ACTR3C: variants seen among roughly 807,000 people sequenced by gnomAD.
ACTR3C encodes actin related protein 3C, also known as actin-related protein 3C.
ACTR3C carries 18 observed loss-of-function variants against 26.3 expected under a neutral mutation model. That is an observed-to-expected ratio of 0.68 (90% CI 0.47 to 1.01). The LOEUF (loss-of-function observed/expected upper bound fraction) is 1.01, where lower values mean the gene tolerates loss of function less well. Ranked by LOEUF, ACTR3C falls within the 50% of genes least tolerant of loss-of-function variation. ACTR3C has a pLI of 0.00. For missense variants in ACTR3C, 184 were observed against 250.7 expected (o/e 0.73, Z 1.80); for synonymous variants, 55 against 94.5 (o/e 0.58, Z 2.42).
chr7:150,198,793 G>A, the ACTR3C span, among the ~76,000 whole-genome samples: 741 of 138,478 alleles, frequency 5.4e-3, 17 homozygotes, highest in African/African-American at 0.022. Context: ...CGTGCCGTCC[G>A]GGAGGGAGGT....
rs956547970 is a variant in ACTR3C at position 150,274,865 on chromosome 7, A to G, written c.564+9888T>C. On this transcript the variant is annotated intron_variant, in intron 6 of 7. Coordinates refer to ENST00000683684, the MANE Select transcript of ACTR3C (RefSeq NM_001164458.2). The surrounding 1 kb of genome is among the most constrained non-coding windows in gnomAD (Gnocchi z 4.1). ...ACAAAGTGATCCCTTATCACTTTTG[A>G]TACAGTGTGAGAAATCAGCAGATCT... 4.6e-5 allele frequency among the ~76,000 whole-genome samples: 7 copies of G among 152,246 alleles called. No individual in the cohort carries two copies. Among genetic ancestry groups the G allele is most frequent in the African/African-American group, 1.7e-4 (7 of 41,474 alleles).
the ACTR3C span, among the ~76,000 whole-genome samples, chr7:149,958,075 G>A: frequency 6.6e-6 from 1 of 152,072 alleles, no homozygotes; most frequent in African/African-American, 2.4e-5. Context: ...TCTTTGTGTT[G>A]AACTAGGTTC....
the ACTR3C span, among the ~76,000 whole-genome samples, chr7:150,176,745 A>G: frequency 6.6e-6 from 1 of 150,726 alleles, no homozygotes; most frequent in Non-Finnish European, 1.5e-5. Context: ...CTCTTAGGAG[A>G]CTTAAAGCCA....
the ACTR3C span, among the ~76,000 whole-genome samples, chr7:150,011,377 G>C: frequency 6.6e-6 from 1 of 152,034 alleles, no homozygotes; most frequent in Non-Finnish European, 1.5e-5. Context: ...ACGAGGTCAG[G>C]AGTTCAAGAC....
At chr7:150,202,260 G>A in the ACTR3C span, among the ~76,000 whole-genome samples, 5 of 152,130 alleles carry the variant, frequency 3.3e-5, no homozygotes, top group South Asian at 2.1e-4. Context: ...AGAACAAGAC[G>A]TTTCATTGAT....
the ACTR3C span, among the ~76,000 whole-genome samples, chr7:150,025,786 T>C: frequency 6.6e-6 from 1 of 152,036 alleles, no homozygotes; most frequent in African/African-American, 2.4e-5. Context: ...CTTTTCCGTA[T>C]GTTTGGAAAT....
chr7:150,309,319 C>A lies in ACTR3C; in HGVS notation c.-51-13972G>T, dbSNP rs550098718. Among the ~76,000 whole-genome samples, 6 of 152,332 alleles carry A rather than the reference C, an allele frequency of 3.9e-5. No individual in the cohort carries two copies. In the South Asian group the frequency reaches 1.2e-3, roughly 32 times the overall value. ...CCCTTAGACGCTTTACAGCCCTAGA[C>A]CCTCGAGGGCCAGAAGGCCATCTTA... On this transcript the variant is annotated intron_variant, in intron 1 of 7. Coordinates refer to ENST00000683684, the MANE Select transcript of ACTR3C (RefSeq NM_001164458.2).
chr7:150,047,895 A>T, the ACTR3C span: 1 of 1,395,868 alleles, frequency 7.2e-7, no homozygotes, highest in African/African-American at 1.5e-5. Context: ...GGGCTTTTTA[A>T]TATTTTGCTT....
At chr7:150,058,187 C>T in the ACTR3C span, among the ~76,000 whole-genome samples, 2 of 152,146 alleles carry the variant, frequency 1.3e-5, no homozygotes, top group African/African-American at 2.4e-5. Flanking sequence ...TGTACTGCAC[C>T]GAACACTGAG....
the ACTR3C span, among the ~76,000 whole-genome samples, chr7:149,994,428 T>C: frequency 6.6e-6 from 1 of 152,022 alleles, no homozygotes; most frequent in African/African-American, 2.4e-5. Flanking sequence ...TGAAACCCCA[T>C]CTCTACAAAA....
chr7:150,215,308 G>T, the ACTR3C span, among the ~76,000 whole-genome samples: 1 of 152,134 alleles, frequency 6.6e-6, no homozygotes, highest in Non-Finnish European at 1.5e-5. Flanking sequence ...AAAACCTTGA[G>T]AAGAAACACC....
At chr7:150,064,153 C>A in the ACTR3C span, among the ~76,000 whole-genome samples, 38 of 151,762 alleles carry the variant, frequency 2.5e-4, no homozygotes, top group African/African-American at 9.0e-4. Flanking sequence ...AATGATTAGA[C>A]CCAGCACCTG....
chr7:150,070,608 G>T, the ACTR3C span, among the ~76,000 whole-genome samples: 1 of 151,750 alleles, frequency 6.6e-6, no homozygotes, highest in Non-Finnish European at 1.5e-5. Context: ...GCGCCGCCAC[G>T]CCTGGCTAAT....
chr7:149,989,169 C>G, the ACTR3C span, among the ~76,000 whole-genome samples: 2 of 152,210 alleles, frequency 1.3e-5, no homozygotes, highest in Non-Finnish European at 2.9e-5. Context: ...ATGTTTAAAA[C>G]TGACAAATAA....
chr7:150,067,350 G>C, the ACTR3C span, among the ~76,000 whole-genome samples: 1 of 152,166 alleles, frequency 6.6e-6, no homozygotes, highest in Non-Finnish European at 1.5e-5. Context: ...GGCAAAGAAA[G>C]GAAAAGAGAG....
intron 1 of ACTR3C, among the ~76,000 whole-genome samples, chr7:150,316,316 C>T (rs1439537553): frequency 2.0e-5 from 3 of 152,172 alleles, no homozygotes; most frequent in Admixed American, 2.0e-4. Flanking sequence ...ATTAATCTGG[C>T]TGTCAATACA....
the ACTR3C span, among the ~76,000 whole-genome samples, chr7:150,101,516 C>A: frequency 1.3e-5 from 2 of 151,834 alleles, no homozygotes; most frequent in East Asian, 3.9e-4. Flanking sequence ...CATCACAAAA[C>A]AATACAGCTC....
chr7:150,143,386 G>C, the ACTR3C span, among the ~76,000 whole-genome samples: 1 of 152,036 alleles, frequency 6.6e-6, no homozygotes, highest in Non-Finnish European at 1.5e-5. Context: ...ATTGTCGTGG[G>C]GGAATTGACT....
intron 1 of ACTR3C, 132 bp downstream of exon 1, chr7:150,323,337 C>A (rs1042722333): frequency 1.1e-5 from 3 of 274,638 alleles, no homozygotes; most frequent in Non-Finnish European, 2.1e-5. Context: ...TTGGCCAGGC[C>A]CCCTGGGCGC....
Sources: allele counts gnomAD v4.1 joint callset (sites outside exome capture counted in the v4.1 genomes callset), GRCh38; gene constraint gnomAD v4.1.1; non-coding constraint Gnocchi (gnomAD v3.1); transcripts MANE v1.5; gene names NCBI Gene and HGNC (gene_info 2026-07-23, HGNC 2026-07-21).